RTN3: variants seen among roughly 807,000 people sequenced by gnomAD.
RTN3 encodes the protein reticulon-3.
RTN3 carries 49 observed loss-of-function variants against 77.8 expected under a neutral mutation model. The observed-to-expected ratio is 0.63, with a 90% CI of 0.50 to 0.80. The LOEUF is 0.80. Ranked by LOEUF, RTN3 falls within the 30% of genes least tolerant of loss-of-function variation. The pLI, the probability that RTN3 is intolerant of heterozygous loss-of-function variation, is 0.00. For missense variants in RTN3, 1,236 were observed against 1,211.9 expected, an observed-to-expected ratio of 1.02 and a Z score of -0.29; for synonymous variants, 464 against 446.9, an observed-to-expected ratio of 1.04 and a Z score of -0.48.
Position 63,718,934 on chromosome 11 carries a change from A to G in RTN3, c.432A>G (p.Ser144=), listed in dbSNP as rs368359917. The change falls in exon 3 of 9, where the codon TCA becomes TCG. Residue 144 remains serine, a synonymous_variant. Transcript: ENST00000377819. ...CCAGCAACAACGTATCAGACTCTTCAGTTTCTCTTGCAGCAGGAGTTCATT... is the reference window on the plus strand; with the variant it reads ...CCAGCAACAACGTATCAGACTCTTCGGTTTCTCTTGCAGCAGGAGTTCATT... ...QGTSNNVSDS[S]VSLAAGVHCD... 3.0e-5 allele frequency: 48 copies of G among 1,614,092 alleles called. No homozygotes were observed. The highest frequency in any genetic ancestry group is 3.6e-5 in the Non-Finnish European group (43 of 1,180,048).
rs150108371 is a variant in RTN3 at position 63,743,190 on chromosome 11, C to T, written c.2531-6801C>T. ...TGCTGGGATTACAGGCATGAGCCAC[C>T]GCGCCCAGCCTGTTTTTCTTGACTT... is the stretch of plus-strand genomic sequence containing the variant. On this transcript the variant is annotated intron_variant, in intron 3 of 8. Coordinates refer to ENST00000377819, the MANE Select transcript of RTN3 (RefSeq NM_001265589.2). Among the ~76,000 whole-genome samples the T allele has an allele frequency of 2.4e-4, 36 of 152,226 alleles. No homozygotes were observed. In the East Asian group the frequency reaches 5.6e-3, roughly 24 times the overall value.
At chr11:63,737,577 T>TA (rs542367506) in intron 3 of RTN3, among the ~76,000 whole-genome samples, 31 of 152,134 alleles carry the variant, frequency 2.0e-4, no homozygotes, top group Non-Finnish European at 3.8e-4. Flanking sequence ...GCTACTGCAC[T>TA]CCAGCCTGCT....
Position 63,698,061 on chromosome 11 carries a change from G to C in RTN3, c.143-6790G>C, listed in dbSNP as rs553733862. Among the ~76,000 whole-genome samples the C allele has an allele frequency of 2.0e-5, 3 of 150,956 alleles. No homozygotes were observed. In the East Asian group the frequency reaches 5.8e-4, roughly 29 times the overall value. On this transcript the variant is annotated intron_variant, in intron 1 of 8. Transcript: ENST00000377819. ...CTTCACTCCTCAGTCTTCAGTGTCT[G>C]TTCCCTCCCCCTCTACCACTCTCAT...
Position 63,750,044 on chromosome 11 carries a change from A to G in RTN3, c.2584A>G (p.Thr862Ala). Residue 862 changes from threonine (T) to alanine (A), a missense_variant, in exon 4 of 9, where the codon ACC (threonine) becomes GCC (alanine). This residue lies in a region of RTN3 where 39 missense variants were observed against 66.6 expected (regional missense o/e 0.59). Coordinates refer to ENST00000377819, the MANE Select transcript of RTN3 (RefSeq NM_001265589.2). ...GAAGAAGACTGGGTTTGTCTTTGGC[A>G]CCACGCTGATCATGCTGCTTTCCCT... Reference protein sequence around the residue: ...DVKKTGFVFGTTLIMLLSLAA... With the variant: ...DVKKTGFVFGATLIMLLSLAA... The G allele has an allele frequency of 6.2e-7, 1 of 1,613,914 alleles. No individual in the cohort carries two copies. The highest frequency in any genetic ancestry group is 8.5e-7 in the Non-Finnish European group (1 of 1,179,846).
intron 1 of RTN3, among the ~76,000 whole-genome samples, chr11:63,702,559 C>T (rs1295992425): frequency 6.6e-6 from 1 of 152,066 alleles, no homozygotes; most frequent in Admixed American, 6.6e-5. Context: ...CATGATCCAT[C>T]TGCCTCCACC....
At chr11:63,734,983 C>A (rs924461823) in intron 3 of RTN3, among the ~76,000 whole-genome samples, 2 of 151,822 alleles carry the variant, frequency 1.3e-5, no homozygotes, top group Non-Finnish European at 1.5e-5. Context: ...GGTTGATAAA[C>A]AAAACTCAAT....
chr11:63,704,746 C>G, intron 1 of RTN3, 105 bp from the exon 2 acceptor site: 1 of 793,706 alleles, frequency 1.3e-6, no homozygotes, highest in Non-Finnish European at 2.1e-6. Context: ...TTGTTAAACC[C>G]AATGAAATTA....
At chr11:63,713,110 G>T (rs952492106) in intron 2 of RTN3, among the ~76,000 whole-genome samples, 2 of 151,924 alleles carry the variant, frequency 1.3e-5, no homozygotes, top group African/African-American at 4.8e-5. Context: ...AAATATAAAA[G>T]AATTTTTTAT....
chr11:63,705,521 A>T (rs367624926), intron 2 of RTN3, among the ~76,000 whole-genome samples: 10 of 152,262 alleles, frequency 6.6e-5, no homozygotes, highest in African/African-American at 2.4e-4. Flanking sequence ...CTCAGGAAAC[A>T]CCCAACCCCT....
At chr11:63,711,411 A>ACAGG (rs958213363) in intron 2 of RTN3, among the ~76,000 whole-genome samples, 1 of 145,850 alleles carries the variant, frequency 6.9e-6, no homozygotes, top group Non-Finnish European at 1.5e-5. Context: ...TTTTTTTGAG[A>ACAGG]CAGGGTCTCA....
At chr11:63,706,491 C>A (rs1942500559) in intron 2 of RTN3, among the ~76,000 whole-genome samples, 2 of 152,188 alleles carry the variant, frequency 1.3e-5, no homozygotes, top group African/African-American at 2.4e-5. Flanking sequence ...TGAGCCACCA[C>A]CACACCTGGC....
intron 3 of RTN3, among the ~76,000 whole-genome samples, chr11:63,735,592 C>T (rs922813084): frequency 6.7e-6 from 1 of 148,986 alleles, no homozygotes; most frequent in Non-Finnish European, 1.5e-5. Context: ...CTCTCTCTCT[C>T]TCTCTCTCTT....
At chr11:63,709,245 G>T (rs1225419348) in intron 2 of RTN3, among the ~76,000 whole-genome samples, 2 of 152,178 alleles carry the variant, frequency 1.3e-5, no homozygotes, top group African/African-American at 4.8e-5. Flanking sequence ...CCATTGTTTT[G>T]ACCATATTAT....
At chr11:63,739,801 T>C (rs762033256) in intron 3 of RTN3, among the ~76,000 whole-genome samples, 1 of 152,216 alleles carries the variant, frequency 6.6e-6, no homozygotes, top group Non-Finnish European at 1.5e-5. Context: ...ATCAAAAGAC[T>C]TTAATTTTTT....
chr11:63,716,979 CAAAAAAAAAAA>C, intron 2 of RTN3, among the ~76,000 whole-genome samples: 1 of 120,278 alleles, frequency 8.3e-6, no homozygotes, highest in East Asian at 2.4e-4. Context: ...AAAAAAAAAA[CAAAAAAAAAAA>C]AAAAAGAAAA....
At chr11:63,748,768 A>G (rs2135041730) in intron 3 of RTN3, among the ~76,000 whole-genome samples, 1 of 150,568 alleles carries the variant, frequency 6.6e-6, no homozygotes, top group East Asian at 2.0e-4. Context: ...CCCGGGTTCA[A>G]GCGATTCTCC....
intron 1 of RTN3, among the ~76,000 whole-genome samples, chr11:63,682,891 T>A (rs911891944): frequency 1.3e-5 from 2 of 152,058 alleles, no homozygotes; most frequent in African/African-American, 4.8e-5. Context: ...GAACGGAGTC[T>A]TTGAAGGGAA....
At chr11:63,690,354 C>T (rs974240540) in intron 1 of RTN3, among the ~76,000 whole-genome samples, 4 of 152,138 alleles carry the variant, frequency 2.6e-5, no homozygotes, top group African/African-American at 9.7e-5. Flanking sequence ...TTAAGTTGTG[C>T]CCATATGTTA....
At chr11:63,702,193 A>G (rs888477463) in intron 1 of RTN3, among the ~76,000 whole-genome samples, 2 of 151,928 alleles carry the variant, frequency 1.3e-5, no homozygotes, top group Non-Finnish European at 2.9e-5. Context: ...ACAATTTTGG[A>G]GGGTTTTGTT....
Sources: allele counts gnomAD v4.1 joint callset (sites outside exome capture counted in the v4.1 genomes callset), GRCh38; gene constraint gnomAD v4.1.1; regional missense constraint gnomAD v4.1.1; transcripts MANE v1.5; gene names NCBI Gene and HGNC (gene_info 2026-07-23, HGNC 2026-07-21).